The following PCDHGA12 variants were observed in gnomAD, a reference collection of about 807,000 sequenced individuals.
PCDHGA12 encodes protocadherin gamma-A12.
In PCDHGA12, 43 loss-of-function variants were observed where a neutral mutation model predicts 61.1. The observed-to-expected ratio is 0.70, with a 90% CI of 0.55 to 0.91. PCDHGA12 has a LOEUF of 0.91. Ranked by LOEUF, PCDHGA12 falls within the 40% of genes least tolerant of loss-of-function variation. The pLI, the probability that PCDHGA12 is intolerant of heterozygous loss-of-function variation, is 0.00. For missense variants in PCDHGA12, 1,236 were observed against 1,227.7 expected, an observed-to-expected ratio of 1.01 and a Z score of -0.10; for synonymous variants, 520 against 542.9, an observed-to-expected ratio of 0.96 and a Z score of 0.59.
chr5:141,431,002 C>A lies in PCDHGA12; in HGVS notation c.243C>A (p.Ser81Arg), dbSNP rs1055964066. The A allele has an allele frequency of 6.2e-7, 1 of 1,613,836 alleles. No individual in the cohort carries two copies. Among genetic ancestry groups the A allele is most frequent in the Admixed American group, 1.7e-5 (1 of 59,990 alleles). The stretch of plus-strand genomic sequence containing the variant: ...AGCTTTTCGCCCTGAATCCGCGCAG[C>A]GGCAGCTTGGTCACGGCGGGCAGGA... ...RTQLFALNPRSGSLVTAGRID... is the reference protein window; with the variant it reads ...RTQLFALNPRRGSLVTAGRID... Residue 81 changes from serine to arginine, a missense_variant, in exon 1 of 4, where the codon AGC becomes AGA. By Grantham distance (110) the Ser-to-Arg change is moderately radical (BLOSUM62 -1). Transcript: ENST00000252085. The surrounding 1 kb of genome is among the most constrained non-coding windows in gnomAD (Gnocchi z 4.8).
chr5:141,476,666 G>C lies in PCDHGA12; in HGVS notation c.2425-18141G>C, dbSNP rs2099395856. On this transcript the variant is annotated intron_variant, in intron 1 of 3. Coordinates refer to ENST00000252085, the MANE Select transcript of PCDHGA12 (RefSeq NM_003735.3). This position sits in a 1 kb window ranked among gnomAD's most constrained non-coding sequence, Gnocchi z 7.6. The stretch of plus-strand genomic sequence containing the variant: ...CCGAAATGAATACTTTGCGCTTCGC[G>C]TGCAGACGCGGGAGGACAGCACCAA... 6.2e-7 allele frequency: 1 copy of C among 1,614,246 alleles called. No individual in the cohort carries two copies. The highest frequency in any genetic ancestry group is 8.5e-7 in the Non-Finnish European group (1 of 1,180,044).
intron 2 of PCDHGA12, among the ~76,000 whole-genome samples, chr5:141,504,178 A>C (rs572543892): frequency 4.5e-4 from 69 of 152,366 alleles, no homozygotes; most frequent in Non-Finnish European, 7.6e-4. Context: ...AAATTCAAAA[A>C]AATCATGAAA....
rs553673516 is a variant in PCDHGA12, at chr5:141,476,211, T to C, written c.2425-18596T>C. The C allele has an allele frequency of 5.4e-5, 87 of 1,613,942 alleles. No individual in the cohort carries two copies. The highest frequency in any genetic ancestry group is 7.0e-5 in the Non-Finnish European group (83 of 1,180,000). ...GGTGCCTTGAACAAGGCTTCCACGG[T>C]CATTCACTATGAGATCCCGGAGGAA... On this transcript the variant is annotated intron_variant, in intron 1 of 3. Coordinates refer to ENST00000252085, the MANE Select transcript of PCDHGA12 (RefSeq NM_003735.3). The surrounding 1 kb of genome is among the most constrained non-coding windows in gnomAD (Gnocchi z 7.6).
chr5:141,455,983 C>T (rs542017964), intron 1 of PCDHGA12, among the ~76,000 whole-genome samples: 23 of 151,546 alleles, frequency 1.5e-4, no homozygotes, highest in African/African-American at 5.1e-4. Context: ...CTGCAAGCTC[C>T]GCCTCTCGGG....
Position 141,486,812 on chromosome 5 carries a change from A to G in PCDHGA12, c.2425-7995A>G, listed in dbSNP as rs781747283. 6.2e-7 allele frequency: 1 copy of G among 1,614,226 alleles called. No individual in the cohort carries two copies. The highest frequency in any genetic ancestry group is 8.5e-7 in the Non-Finnish European group (1 of 1,180,046). ...GGATCGGGGCAACCCACCCCTTAGC[A>G]GCACTGTAACAGTTCGTCTATTTGT... On this transcript the variant is annotated intron_variant, in intron 1 of 3. Transcript: ENST00000252085. This position sits in a 1 kb window ranked among gnomAD's most constrained non-coding sequence, Gnocchi z 5.0.
rs1004089667 is a variant in PCDHGA12, at chr5:141,497,399, C to G, written c.2483+2534C>G. The stretch of plus-strand genomic sequence containing the variant: ...TGGGGTGAGCACCTTACCCCTGCCT[C>G]AACTCCCATTCCATCAAATGAGAGG... On this transcript the variant is annotated intron_variant, in intron 2 of 3. Coordinates refer to ENST00000252085, the MANE Select transcript of PCDHGA12 (RefSeq NM_003735.3). Among the ~76,000 whole-genome samples the G allele has an allele frequency of 5.9e-5, 9 of 152,146 alleles. 1 individual carries two copies. The highest frequency in any genetic ancestry group is 1.2e-4 in the Non-Finnish European group (8 of 68,034).
At chr5:141,438,232 GT>G (rs531572606) in intron 1 of PCDHGA12, among the ~76,000 whole-genome samples, 207 of 152,154 alleles carry the variant, frequency 1.4e-3, no homozygotes, top group Middle Eastern at 0.01. Flanking sequence ...TCAGGAAAAT[GT>G]TTTTAAAAAA....
chr5:141,471,964 T>C lies in PCDHGA12; in HGVS notation c.2425-22843T>C, dbSNP rs138170906. Among the ~76,000 whole-genome samples, 591 of 152,278 alleles carry C rather than the reference T, an allele frequency of 3.9e-3. 6 individuals are homozygous for C. Among genetic ancestry groups the C allele is most frequent in the Admixed American group, 0.011 (171 of 15,292 alleles). On this transcript the variant is annotated intron_variant, in intron 1 of 3. Transcript: ENST00000252085. ...TCTAAAACTGGATTGTGGGGTTGGT[T>C]GCATTACTGTATAAATTTATTAAAA...
At chr5:141,464,116 T>A (rs1195883274) in intron 1 of PCDHGA12, among the ~76,000 whole-genome samples, 1 of 151,922 alleles carries the variant, frequency 6.6e-6, no homozygotes, top group African/African-American at 2.4e-5. Context: ...AATACAAAAA[T>A]TAGCTGGGTG....
Position 141,432,771 on chromosome 5 carries a change from T to G in PCDHGA12, c.2012T>G (p.Val671Gly). The G allele has an allele frequency of 6.2e-7, 1 of 1,614,006 alleles. No homozygotes were observed. The highest frequency in any genetic ancestry group is 8.5e-7 in the Non-Finnish European group (1 of 1,179,966). The change falls in exon 1 of 4, where the codon GTC (valine) becomes GGC (glycine). Residue 671 changes from valine (V) to glycine (G), a missense_variant. Coordinates refer to ENST00000252085, the MANE Select transcript of PCDHGA12 (RefSeq NM_003735.3). This position sits in a 1 kb window ranked among gnomAD's most constrained non-coding sequence, Gnocchi z 6.0. ...TVAVADSIPQVLADLGSLESP... is the reference protein window; with the variant it reads ...TVAVADSIPQGLADLGSLESP... ...GCCGTGGCCGACAGCATCCCCCAAG[T>G]CCTGGCGGACCTCGGCAGCCTCGAG...
chr5:141,462,202 C>T (rs188546035), intron 1 of PCDHGA12, among the ~76,000 whole-genome samples: 1,522 of 152,002 alleles, frequency 0.01, 33 homozygotes, highest in African/African-American at 0.034. Flanking sequence ...TCAGGTGATC[C>T]GCCTGCCTCG....
chr5:141,436,207 A>T (rs544201723), intron 1 of PCDHGA12, among the ~76,000 whole-genome samples: 1 of 152,142 alleles, frequency 6.6e-6, no homozygotes, highest in Admixed American at 6.5e-5. Context: ...ACATAATAGG[A>T]AAACAAATGA....
intron 1 of PCDHGA12, chr5:141,441,982 G>T: frequency 3.6e-6 from 1 of 277,096 alleles, no homozygotes; most frequent in South Asian, 3.6e-5. Flanking sequence ...CCTGGAATGC[G>T]CACCGACGAG....
intron 1 of PCDHGA12, among the ~76,000 whole-genome samples, chr5:141,444,503 T>C (rs2098438734): frequency 6.6e-6 from 1 of 152,088 alleles, no homozygotes; most frequent in Non-Finnish European, 1.5e-5. Flanking sequence ...AATACTTTGC[T>C]CTAGCAGTAT....
intron 2 of PCDHGA12, among the ~76,000 whole-genome samples, chr5:141,500,035 CTT>C: frequency 6.6e-6 from 1 of 152,100 alleles, no homozygotes; most frequent in East Asian, 1.9e-4. Flanking sequence ...GTGAGTGTCT[CTT>C]AAGTATCTTA....
At position 141,474,586 on chromosome 5, in the gene PCDHGA12, A is replaced by T. The variant is rs149003643; in HGVS notation, c.2425-20221A>T. 7.1e-4 allele frequency among the ~76,000 whole-genome samples: 108 copies of T among 152,340 alleles called. No individual in the cohort carries two copies. The East Asian group carries it at 0.015, about 21-fold the overall frequency. The stretch of plus-strand genomic sequence containing the variant: ...TCAGAGATTAATTGAAGTGTTAAAG[A>T]CATGGAAATATAGGTCACATATGGC... On this transcript the variant is annotated intron_variant, in intron 1 of 3. Coordinates refer to ENST00000252085, the MANE Select transcript of PCDHGA12 (RefSeq NM_003735.3).
At chr5:141,478,586 T>C (rs754157570) in intron 1 of PCDHGA12, 6 of 1,576,788 alleles carry the variant, frequency 3.8e-6, no homozygotes, top group Non-Finnish European at 3.4e-6. Context: ...GTTAGTGCTT[T>C]TTTATTCCTA....
chr5:141,436,040 C>T (rs989038133), intron 1 of PCDHGA12, among the ~76,000 whole-genome samples: 1 of 152,060 alleles, frequency 6.6e-6, no homozygotes, highest in African/African-American at 2.4e-5. Context: ...TTTGTATTTA[C>T]ATTAGTTTTC....
chr5:141,505,078 C>G (rs535590642), intron 2 of PCDHGA12, among the ~76,000 whole-genome samples: 81 of 152,298 alleles, frequency 5.3e-4, no homozygotes, highest in African/African-American at 2.0e-3. Flanking sequence ...AGGAGAATCG[C>G]TTGAACCCAG....
Sources: allele counts gnomAD v4.1 joint callset (sites outside exome capture counted in the v4.1 genomes callset), GRCh38; gene constraint gnomAD v4.1.1; non-coding constraint Gnocchi (gnomAD v3.1); transcripts MANE v1.5; gene names NCBI Gene and HGNC (gene_info 2026-07-23, HGNC 2026-07-21).